ZC3H12B: variants seen among roughly 807,000 people sequenced by gnomAD.
ZC3H12B encodes zinc finger CCCH-type containing 12B.
Under a neutral mutation model 43.9 loss-of-function variants are expected in ZC3H12B, and 7 were observed. The ratio of observed to expected loss-of-function variants is 0.16; its 90% confidence interval spans 0.09 to 0.30. The LOEUF is 0.30. ZC3H12B is among the 10% of genes least tolerant of loss of function. The probability of loss-of-function intolerance (pLI) is 1.00; values close to 1 mark genes in which losing one functional copy is unlikely to be tolerated. For synonymous variants in ZC3H12B, 222 were observed against 241.7 expected, an observed-to-expected ratio of 0.92 and a Z score of 0.76; for missense variants, 475 against 670.2, an observed-to-expected ratio of 0.71 and a Z score of 3.22.
At chrX:65,281,095 A>G in the ZC3H12B span, among the ~76,000 whole-genome samples, 1 of 111,589 alleles carries the variant, frequency 9.0e-6, no homozygotes, top group Non-Finnish European at 1.9e-5. Context: ...AAGCTAAGGT[A>G]TCACACTACC....
At chrX:65,439,841 T>C (rs2067278371) in intron 3 of ZC3H12B, among the ~76,000 whole-genome samples, 1 of 110,512 alleles carries the variant, frequency 9.0e-6, no homozygotes, top group African/African-American at 3.3e-5. Context: ...ACAGTTGGGG[T>C]CCTCCTCAGT....
the ZC3H12B span, among the ~76,000 whole-genome samples, chrX:65,082,680 AC>A: frequency 9.0e-6 from 1 of 111,380 alleles, no homozygotes. Context: ...ATTCTACCCA[AC>A]CTTTAAAGAA....
At chrX:65,118,704 G>A in the ZC3H12B span, among the ~76,000 whole-genome samples, 1 of 109,424 alleles carries the variant, frequency 9.1e-6, no homozygotes. Context: ...ACAACCTGCA[G>A]GTTTGTTACA....
chrX:65,126,370 G>A, the ZC3H12B span, among the ~76,000 whole-genome samples: 1 of 111,318 alleles, frequency 9.0e-6, no homozygotes, highest in Non-Finnish European at 1.9e-5. Context: ...TAATCTGATA[G>A]GTTCTCTTTA....
chrX:65,452,859 C>A (rs989568003), intron 3 of ZC3H12B, among the ~76,000 whole-genome samples: 2 of 109,273 alleles, frequency 1.8e-5, no homozygotes, highest in African/African-American at 3.4e-5. Context: ...CACACACACA[C>A]ACACACACAC....
intron 3 of ZC3H12B, among the ~76,000 whole-genome samples, chrX:65,451,185 A>T (rs1192286821): frequency 3.6e-5 from 4 of 110,580 alleles, no homozygotes; most frequent in Non-Finnish European, 7.6e-5. Context: ...TCTGACCTCG[A>T]GTGAGCCACA....
the ZC3H12B span, among the ~76,000 whole-genome samples, chrX:65,319,931 TAAG>T: frequency 9.0e-6 from 1 of 111,289 alleles, no homozygotes; most frequent in Non-Finnish European, 1.9e-5. Context: ...CTCAAAATAA[TAAG>T]AACCATTTGT....
At chrX:65,438,422 A>G (rs960756047) in intron 3 of ZC3H12B, among the ~76,000 whole-genome samples, 3 of 111,580 alleles carry the variant, frequency 2.7e-5, no homozygotes, top group Non-Finnish European at 5.6e-5. Context: ...TTCACTAAAA[A>G]GGTCCTTCAT....
chrX:65,069,955 C>T, the ZC3H12B span, among the ~76,000 whole-genome samples: 1 of 110,587 alleles, frequency 9.0e-6, no homozygotes, highest in African/African-American at 3.3e-5. Context: ...TGATGCTGGC[C>T]TCATATAAAT....
the ZC3H12B span, among the ~76,000 whole-genome samples, chrX:65,282,230 G>T: frequency 9.0e-6 from 1 of 110,800 alleles, no homozygotes; most frequent in Non-Finnish European, 1.9e-5. Flanking sequence ...TGGGATGATT[G>T]CTTCAGGCCA....
chrX:65,048,479 G>A, the ZC3H12B span, among the ~76,000 whole-genome samples: 3 of 111,102 alleles, frequency 2.7e-5, no homozygotes, highest in Non-Finnish European at 5.7e-5. Context: ...AATTTTCTGA[G>A]GAACCTCCAT....
rs1734006707 is a variant in ZC3H12B at position 65,420,449 on chromosome X, G to A, written n.407+21745G>A. Among the ~76,000 whole-genome samples the A allele has an allele frequency of 1.8e-5, 2 of 112,180 alleles. 1 individual carries two copies. The highest frequency in any genetic ancestry group is 6.5e-5 in the African/African-American group (2 of 30,859). ...AGATAGTCCACCCAGAATCTGGATG[G>A]GCAGATTGGTGAAGGGATTTCTCTG... On this transcript the variant is annotated intron_variant and non_coding_transcript_variant, in intron 3 of 5. Transcript: ENST00000617377.
chrX:65,419,685 C>T (rs1346603394), intron 3 of ZC3H12B, among the ~76,000 whole-genome samples: 1 of 110,743 alleles, frequency 9.0e-6, no homozygotes, highest in Admixed American at 9.6e-5. Flanking sequence ...GGCCCTAGAA[C>T]CCTGGCCCAC....
the ZC3H12B span, among the ~76,000 whole-genome samples, chrX:65,104,644 CAT>C: frequency 5.2e-4 from 58 of 111,709 alleles, no homozygotes; most frequent in East Asian, 0.016. Flanking sequence ...GGCCAACAAA[CAT>C]ATGAAAAAAA....
intron 1 of ZC3H12B, among the ~76,000 whole-genome samples, chrX:65,494,169 G>A (rs1345718006): frequency 9.0e-6 from 1 of 110,856 alleles, no homozygotes; most frequent in Admixed American, 9.6e-5. Flanking sequence ...TAAAACAGTT[G>A]GATTTTGGAG....
At chrX:65,212,348 TATA>T in the ZC3H12B span, among the ~76,000 whole-genome samples, 1 of 50,108 alleles carries the variant, frequency 2.0e-5, no homozygotes, top group African/African-American at 8.5e-5. Context: ...ATAATATAAA[TATA>T]ATTATTATAT....
At chrX:65,406,602 C>CTGGGCGGGGATGGGCGGGGA (rs1569396826) in intron 3 of ZC3H12B, among the ~76,000 whole-genome samples, 27 of 20,225 alleles carry the variant, frequency 1.3e-3, no homozygotes, top group African/African-American at 2.3e-3. Flanking sequence ...CTGGGCGGGG[C>CTGGGCGGGGATGGGCGGGGA]TGGGCGGGGC....
intron 2 of ZC3H12B, among the ~76,000 whole-genome samples, chrX:65,391,773 C>G (rs2066619504): frequency 9.0e-6 from 1 of 111,285 alleles, no homozygotes; most frequent in African/African-American, 3.3e-5. Flanking sequence ...GTCTCCCCCT[C>G]TCCCTCATCT....
the ZC3H12B span, among the ~76,000 whole-genome samples, chrX:65,142,557 G>C: frequency 1.8e-5 from 2 of 112,088 alleles, no homozygotes; most frequent in African/African-American, 6.5e-5. Flanking sequence ...TGGTTTCTTG[G>C]TCATGAAATT....
Sources: allele counts gnomAD v4.1 joint callset (sites outside exome capture counted in the v4.1 genomes callset), GRCh38; gene constraint gnomAD v4.1.1; transcripts MANE v1.5; gene names NCBI Gene and HGNC (gene_info 2026-07-23, HGNC 2026-07-21).